The following SPAG16 variants were observed in gnomAD, a reference collection of about 807,000 sequenced individuals.
The protein encoded by SPAG16 is sperm associated antigen 16.
In SPAG16, 86 loss-of-function variants were observed where a neutral mutation model predicts 80.4. That is an observed-to-expected ratio of 1.07 (90% CI 0.90 to 1.28). SPAG16 has a LOEUF of 1.28. Ranked by LOEUF, SPAG16 falls within the 50% of genes most tolerant of loss-of-function variation. SPAG16 has a pLI of 0.00. For synonymous variants in SPAG16, 294 were observed against 265.9 expected (o/e 1.11, Z -1.03); for missense variants, 870 against 765.3 (o/e 1.14, Z -1.61).
intron 11 of SPAG16, among the ~76,000 whole-genome samples, chr2:213,908,168 A>G (rs1342464089): frequency 3.3e-5 from 5 of 152,208 alleles, no homozygotes; most frequent in Admixed American, 6.5e-5. Context: ...AAAAGAGAAA[A>G]TAATTCAGTT....
intron 13 of SPAG16, among the ~76,000 whole-genome samples, chr2:214,028,985 G>C (rs1029668872): frequency 2.0e-5 from 3 of 151,944 alleles, no homozygotes; most frequent in African/African-American, 7.2e-5. Context: ...GAGACTTTTA[G>C]TAGAAGGAGA....
At chr2:213,515,450 G>C (rs925517183) in intron 10 of SPAG16, among the ~76,000 whole-genome samples, 1 of 152,132 alleles carries the variant, frequency 6.6e-6, no homozygotes, top group Non-Finnish European at 1.5e-5. Flanking sequence ...CTCTCAACTG[G>C]AGTATTTCCT....
chr2:214,040,461 C>T (rs1267745883), intron 13 of SPAG16, among the ~76,000 whole-genome samples: 1 of 152,058 alleles, frequency 6.6e-6, no homozygotes, highest in African/African-American at 2.4e-5. Context: ...TCCCAAAATC[C>T]CCGGTGTGTA....
At chr2:214,374,555 T>C (rs1243919794) in intron 15 of SPAG16, among the ~76,000 whole-genome samples, 1 of 152,056 alleles carries the variant, frequency 6.6e-6, no homozygotes, top group African/African-American at 2.4e-5. Flanking sequence ...TCATAAACTC[T>C]TTTATCAAAT....
At chr2:213,774,455 A>G (rs565959657) in intron 10 of SPAG16, among the ~76,000 whole-genome samples, 1 of 152,156 alleles carries the variant, frequency 6.6e-6, no homozygotes, top group Admixed American at 6.6e-5. Flanking sequence ...GCATGTGGTC[A>G]TCTTCTTTTA....
chr2:213,668,039 C>T (rs534297845), intron 10 of SPAG16, among the ~76,000 whole-genome samples: 4 of 151,964 alleles, frequency 2.6e-5, no homozygotes, highest in East Asian at 1.9e-4. Context: ...CTCCTGAGTT[C>T]GAGCAATTCT....
At chr2:214,317,292 T>G (rs1401240066) in intron 15 of SPAG16, among the ~76,000 whole-genome samples, 1 of 152,192 alleles carries the variant, frequency 6.6e-6, no homozygotes, top group East Asian at 1.9e-4. Flanking sequence ...TTCTTTCCAC[T>G]TCATTTTACT....
chr2:213,353,448 A>G (rs966862945), intron 7 of SPAG16, among the ~76,000 whole-genome samples: 3 of 152,224 alleles, frequency 2.0e-5, no homozygotes, highest in African/African-American at 7.2e-5. Flanking sequence ...TTTCAACATG[A>G]CCTGGAGAGT....
chr2:214,100,576 T>C (rs966585749), intron 13 of SPAG16, among the ~76,000 whole-genome samples: 1 of 152,086 alleles, frequency 6.6e-6, no homozygotes, highest in African/African-American at 2.4e-5. Flanking sequence ...TTTGTTCCCT[T>C]CTTTGGGTCT....
At chr2:214,153,066 G>A (rs956374642) in intron 15 of SPAG16, among the ~76,000 whole-genome samples, 7 of 152,068 alleles carry the variant, frequency 4.6e-5, no homozygotes, top group Non-Finnish European at 8.8e-5. Context: ...AGAGGTGGAG[G>A]AGCAGTCTTC....
intron 15 of SPAG16, among the ~76,000 whole-genome samples, chr2:214,352,949 T>C (rs1036443049): frequency 6.6e-6 from 1 of 152,172 alleles, no homozygotes; most frequent in African/African-American, 2.4e-5. Context: ...AGCTCTCTGC[T>C]GTGGGTTCTA....
intron 10 of SPAG16, among the ~76,000 whole-genome samples, chr2:213,620,459 A>AT (rs2061740076): frequency 6.6e-6 from 1 of 151,506 alleles, no homozygotes; most frequent in South Asian, 2.1e-4. Context: ...CGCCCGGCTA[A>AT]TTTTTTGTAT....
chr2:214,108,373 C>A, intron 14 of SPAG16, 112 bp downstream of exon 14: 1 of 751,252 alleles, frequency 1.3e-6, no homozygotes, highest in Non-Finnish European at 2.1e-6. Context: ...AGAAGAACAA[C>A]TTTAGGAATT....
chr2:213,483,996 A>G (rs1185417908), intron 9 of SPAG16, among the ~76,000 whole-genome samples: 2 of 152,180 alleles, frequency 1.3e-5, no homozygotes, highest in East Asian at 3.9e-4. Context: ...CACAAATAAG[A>G]AGTTTAGTCA....
intron 15 of SPAG16, among the ~76,000 whole-genome samples, chr2:214,190,666 G>C (rs1368414111): frequency 6.6e-6 from 1 of 152,036 alleles, no homozygotes; most frequent in Non-Finnish European, 1.5e-5. Context: ...TGCGGCCTTA[G>C]GTTTAGATGC....
chr2:214,397,897 T>A (rs1218412449), intron 15 of SPAG16, among the ~76,000 whole-genome samples: 1 of 152,226 alleles, frequency 6.6e-6, no homozygotes, highest in Non-Finnish European at 1.5e-5. Flanking sequence ...AATGACAGCA[T>A]CTTGTTCTTC....
At chr2:213,954,262 T>C (rs1344634743) in intron 12 of SPAG16, among the ~76,000 whole-genome samples, 3 of 152,042 alleles carry the variant, frequency 2.0e-5, no homozygotes, top group Non-Finnish European at 2.9e-5. Flanking sequence ...TCTGAGCATT[T>C]TATATAAATG....
chr2:213,314,870 A>G (rs1296606783), intron 4 of SPAG16, among the ~76,000 whole-genome samples: 3 of 151,968 alleles, frequency 2.0e-5, no homozygotes, highest in Non-Finnish European at 2.9e-5. Flanking sequence ...TTATGATTCA[A>G]TTGATACCTA....
At chr2:213,823,965 A>AT (rs1172487508) in intron 10 of SPAG16, among the ~76,000 whole-genome samples, 5 of 151,934 alleles carry the variant, frequency 3.3e-5, no homozygotes, top group African/African-American at 9.7e-5. Flanking sequence ...TGCTTTTGGC[A>AT]TTTTTTCATG....
Sources: gnomAD v4.1 joint callset for allele counts (sites outside exome capture counted in the v4.1 genomes callset) on GRCh38, gnomAD v4.1.1 for gene constraint, MANE v1.5 for transcripts, NCBI Gene and HGNC (gene_info 2026-07-23, HGNC 2026-07-21) for gene names.